GTPBP1: variants seen among roughly 807,000 people sequenced by gnomAD.
The protein encoded by GTPBP1 is GTP-binding protein 1.
In GTPBP1, 23 loss-of-function variants were observed where a neutral mutation model predicts 62.0. The ratio of observed to expected loss-of-function variants is 0.37; its 90% CI spans 0.27 to 0.53. The LOEUF is 0.53. Among genes scored for constraint, GTPBP1 ranks in the 20% least tolerant of loss-of-function variants. The pLI, the probability that GTPBP1 is intolerant of heterozygous loss-of-function variation, is 0.89. For synonymous variants in GTPBP1, 344 were observed against 364.4 expected (o/e 0.94, Z 0.64); for missense variants, 640 against 917.3 (o/e 0.70, Z 3.90).
In GTPBP1 at chr22:38,730,644, G is replaced by T. The variant is rs2092752786; in HGVS notation, c.1950G>T (p.Gly650=). ...PKPSSGGRRR[G]GQRHKVKSQG... The stretch of plus-strand genomic sequence containing the variant: ...CCAGCAGTGGAGGCCGGCGACGAGG[G>T]GGCCAGCGCCACAAGGTGAAGTCCC... Residue 650 remains glycine, a synonymous_variant, in exon 12 of 12, where the codon GGG becomes GGT. Transcript: ENST00000216044. This position sits in a 1 kb window ranked among gnomAD's most constrained non-coding sequence, Gnocchi z 5.6. 6.2e-7 allele frequency: 1 copy of T among 1,606,340 alleles called. No individual in the cohort carries two copies.
chr22:38,706,683 G>A (rs2145833500), intron 1 of GTPBP1: 1 of 152,540 alleles, frequency 6.6e-6, no homozygotes, highest in South Asian at 2.1e-4. Context: ...ACAGAAAGTA[G>A]TCGCTCAGCT....
At chr22:38,742,435 GCCGC>G, downstream of GTPBP1, 1 of 1,613,564 alleles carries the variant, frequency 6.2e-7, no homozygotes, top group Non-Finnish European at 8.5e-7. Flanking sequence ...GGAGCCCCTT[GCCGC>G]AGCTCCAGAC....
rs186108616 is a variant in GTPBP1 at position 38,712,037 on chromosome 22, C to A, written c.304+3081C>A. 1.3e-4 allele frequency among the ~76,000 whole-genome samples: 20 copies of A among 152,096 alleles called. 1 individual carries two copies. Among genetic ancestry groups the A allele is most frequent in the African/African-American group, 4.3e-4 (18 of 41,478 alleles). The stretch of plus-strand genomic sequence containing the variant: ...CTGGGACTACAGGTACCTGCCACCA[C>A]GCCTGGCTAATTTTTGTATTTTTAT... On this transcript the variant is annotated intron_variant, in intron 2 of 11. Coordinates refer to ENST00000216044, the MANE Select transcript of GTPBP1 (RefSeq NM_004286.5).
Position 38,708,716 on chromosome 22 carries a change from C to T in GTPBP1, c.193-129C>T, listed in dbSNP as rs1420856974. On this transcript the variant is annotated intron_variant, in intron 1 of 11. Coordinates refer to ENST00000216044, the MANE Select transcript of GTPBP1 (RefSeq NM_004286.5). Reference sequence around the variant, plus strand: ...GAGAAGCAGAGAGGGCATGAAGGGGCTGTGCAGCCTTTTTAGATGAGGGTG... The same window carrying T: ...GAGAAGCAGAGAGGGCATGAAGGGGTTGTGCAGCCTTTTTAGATGAGGGTG... 4.7e-6 allele frequency: 3 copies of T among 634,312 alleles called. No homozygotes were observed. The African/African-American group carries it at 5.5e-5, about 12-fold the overall frequency. The allele number at this position is 634,312 out of a possible 1,614,324, so 39.3% of individuals were successfully genotyped here. A position where few individuals can be genotyped will look rare whatever the true frequency, so the allele number is the denominator to read the frequency against.
intron 4 of GTPBP1, among the ~76,000 whole-genome samples, chr22:38,720,500 G>A (rs993748339): frequency 3.3e-5 from 5 of 152,156 alleles, no homozygotes; most frequent in Non-Finnish European, 7.3e-5. Flanking sequence ...AAAGTGCTGG[G>A]ATTATGGGCA....
chr22:38,730,763 C>T lies in GTPBP1; in HGVS notation c.*59C>T. ...GTCATCATCTCTGGCCACCACTCCA[C>T]CAGATGGGCAGAGCAGCTATGACCG... is the stretch of plus-strand genomic sequence containing the variant. On this transcript the variant is annotated 3_prime_UTR_variant, in exon 12 of 12. Coordinates refer to ENST00000216044, the MANE Select transcript of GTPBP1 (RefSeq NM_004286.5). This position sits in a 1 kb window ranked among gnomAD's most constrained non-coding sequence, Gnocchi z 5.6. 3 of 934,114 alleles carry T rather than the reference C, an allele frequency of 3.2e-6. No individual in the cohort carries two copies. In the East Asian group the frequency reaches 7.7e-5, roughly 24 times the overall value. The allele number at this position is 934,114 out of a possible 1,614,324, so 57.9% of individuals were successfully genotyped here. A position where few individuals can be genotyped will look rare whatever the true frequency, so the allele number is the denominator to read the frequency against.
downstream of GTPBP1, chr22:38,741,368 G>T: frequency 2.0e-6 from 2 of 985,816 alleles, no homozygotes; most frequent in Non-Finnish European, 3.1e-6. Context: ...AGAAGTCAGA[G>T]GAGGGCACTC....
intron 2 of GTPBP1, among the ~76,000 whole-genome samples, chr22:38,711,195 A>G (rs2179144): frequency 6.6e-6 from 1 of 152,226 alleles, no homozygotes; most frequent in Non-Finnish European, 1.5e-5. Flanking sequence ...GAATAATGAT[A>G]CCTTCCTCAT....
At chr22:38,721,922 G>T in intron 5 of GTPBP1, 57 bp downstream of exon 5, 1 of 1,370,580 alleles carries the variant, frequency 7.3e-7, no homozygotes, top group Non-Finnish European at 9.9e-7. Context: ...CACCTGCTGT[G>T]CCTTCAGGTG....
rs2092756979 is a variant in GTPBP1, at chr22:38,731,047, T to TGTGTGG, written c.*346_*347insTGGGTG. 4.3e-6 allele frequency: 1 copy of TGTGTGG among 233,576 alleles called. No individual in the cohort carries two copies. The highest frequency in any genetic ancestry group is 6.6e-5 in the South Asian group (1 of 15,092). 14.5% of individuals were successfully genotyped at this position (233,576 alleles called of 1,614,324 possible). ...GTGTGTGTGTGTGTGTGTGTGTGTG[T>TGTGTGG]GTGGTGCAGGAGTGCCACCCCCAGG... is the stretch of plus-strand genomic sequence containing the variant. On this transcript the variant is annotated 3_prime_UTR_variant, in exon 12 of 12. Transcript: ENST00000216044.
chr22:38,724,481 G>A, intron 6 of GTPBP1, 70 bp downstream of exon 6: 3 of 872,110 alleles, frequency 3.4e-6, no homozygotes, highest in African/African-American at 1.6e-5. Context: ...TGATGGGCCT[G>A]GAATGGCTGT....
At chr22:38,720,921 T>C (rs1291911993) in intron 4 of GTPBP1, among the ~76,000 whole-genome samples, 2 of 152,212 alleles carry the variant, frequency 1.3e-5, no homozygotes, top group African/African-American at 4.8e-5. Context: ...TGTTGTTGTT[T>C]ATGAGACACA....
downstream of GTPBP1, chr22:38,742,195 A>C: frequency 1.4e-6 from 2 of 1,397,928 alleles, no homozygotes; most frequent in Non-Finnish European, 1.9e-6. Flanking sequence ...GCAAAATGGC[A>C]GAGCTGTCTG....
rs2092669888 is a variant in GTPBP1, at chr22:38,716,260, T to A, written c.485+173T>A. On this transcript the variant is annotated intron_variant, in intron 3 of 11. Coordinates refer to ENST00000216044, the MANE Select transcript of GTPBP1 (RefSeq NM_004286.5). This position sits in a 1 kb window ranked among gnomAD's most constrained non-coding sequence, Gnocchi z 5.2. ...CTAATTCTGCACTTCCCTGTCACTT[T>A]GGGAAGAGCACGAGAGAGGCCAGCC... The A allele has an allele frequency of 3.2e-6, 2 of 626,102 alleles. No homozygotes were observed. Among genetic ancestry groups the A allele is most frequent in the Non-Finnish European group, 5.6e-6 (2 of 355,238 alleles). The allele number at this position is 626,102 out of a possible 1,614,324, so 38.8% of individuals were successfully genotyped here.
rs2092768510 is a variant in GTPBP1 at position 38,732,810 on chromosome 22, C to G, written c.*2106C>G. 6.6e-6 allele frequency: 1 copy of G among 152,472 alleles called. No individual in the cohort carries two copies. The highest frequency in any genetic ancestry group is 2.4e-5 in the African/African-American group (1 of 41,588). 9.4% of individuals were successfully genotyped at this position (152,472 alleles called of 1,614,324 possible). A position where few individuals can be genotyped will look rare whatever the true frequency, so the allele number is the denominator to read the frequency against. On this transcript the variant is annotated 3_prime_UTR_variant, in exon 12 of 12. Coordinates refer to ENST00000216044, the MANE Select transcript of GTPBP1 (RefSeq NM_004286.5). ...CTGCCAGTTTCAAGTGATTCTCTGC[C>G]TCAGCCTTCTGAGTAGCTGGGACTA...
rs144883054 is a variant in GTPBP1, at chr22:38,729,566, G to A, written c.1821G>A (p.Pro607=). The A allele has an allele frequency of 6.0e-5, 96 of 1,598,948 alleles. No individual in the cohort carries two copies. In the African/African-American group the frequency reaches 6.8e-4, roughly 11 times the overall value. The change falls in exon 11 of 12, where the codon CCG becomes CCA. Residue 607 remains proline, a synonymous_variant. Transcript: ENST00000216044. ...GPLTKRDEGG[P]SGGPAVGAPP... Reference sequence around the variant, plus strand: ...TGACGAAACGAGACGAGGGGGGCCCGTCTGGTGGGCCAGCAGTAGGAGCAC... The same window carrying A: ...TGACGAAACGAGACGAGGGGGGCCCATCTGGTGGGCCAGCAGTAGGAGCAC...
intron 10 of GTPBP1, chr22:38,728,396 T>G: frequency 2.0e-6 from 1 of 505,994 alleles, no homozygotes; most frequent in Non-Finnish European, 3.6e-6. Context: ...TCTTCCTCCA[T>G]AGAAAACTGG....
chr22:38,739,961 G>A, downstream of GTPBP1: 1 of 1,605,860 alleles, frequency 6.2e-7, no homozygotes, highest in Non-Finnish European at 8.5e-7. The surrounding 1 kb of genome is among the most constrained non-coding windows in gnomAD (Gnocchi z 6.7). Context: ...AACCCAAAGG[G>A]GTGTCACCCT....
At chr22:38,713,422 AGTT>A (rs992813708) in intron 2 of GTPBP1, among the ~76,000 whole-genome samples, 2 of 152,166 alleles carry the variant, frequency 1.3e-5, no homozygotes, top group African/African-American at 4.8e-5. Flanking sequence ...TAAAGACAAA[AGTT>A]AAGAGTCTGT....
Sources: gnomAD v4.1 joint callset for allele counts (sites outside exome capture counted in the v4.1 genomes callset) on GRCh38, gnomAD v4.1.1 for gene constraint, Gnocchi (gnomAD v3.1) non-coding constraint, MANE v1.5 for transcripts, NCBI Gene and HGNC (gene_info 2026-07-23, HGNC 2026-07-21) for gene names.